GALNT13: variants seen among roughly 807,000 people sequenced by gnomAD.
GALNT13 encodes polypeptide N-acetylgalactosaminyltransferase 13.
A neutral mutation model predicts 64.2 loss-of-function variants in GALNT13; 28 were observed. The ratio of observed to expected loss-of-function variants is 0.44; its 90% CI spans 0.32 to 0.60. The LOEUF is 0.60. Among genes scored for constraint, GALNT13 ranks in the 20% least tolerant of loss-of-function variants. The pLI is 0.05. For synonymous variants in GALNT13, 214 were observed against 224.6 expected, an observed-to-expected ratio of 0.95 and a Z score of 0.42; for missense variants, 577 against 669.8, an observed-to-expected ratio of 0.86 and a Z score of 1.53.
the GALNT13 span, among the ~76,000 whole-genome samples, chr2:153,290,745 C>T: frequency 5.0e-4 from 76 of 152,180 alleles, no homozygotes; most frequent in African/African-American, 1.8e-3. Context: ...CATTTTGTAC[C>T]TTGCATGGAG....
At chr2:153,599,067 A>G in the GALNT13 span, among the ~76,000 whole-genome samples, 2 of 152,178 alleles carry the variant, frequency 1.3e-5, no homozygotes, top group Admixed American at 1.3e-4. Context: ...CTTAAAACTT[A>G]AAGGCAGCAA....
chr2:153,214,040 A>G, the GALNT13 span, among the ~76,000 whole-genome samples: 1 of 152,334 alleles, frequency 6.6e-6, no homozygotes, highest in African/African-American at 2.4e-5. Flanking sequence ...AGGCCACTAT[A>G]TCTTATTAGG....
At chr2:154,261,464 A>C (rs57963762) in intron 8 of GALNT13, among the ~76,000 whole-genome samples, 12,903 of 152,164 alleles carry the variant, frequency 0.085, 885 homozygotes, top group East Asian at 0.35. Flanking sequence ...TGAGGTAGAC[A>C]TTGATAAGGA....
At chr2:153,153,450 C>T in the GALNT13 span, among the ~76,000 whole-genome samples, 1 of 152,044 alleles carries the variant, frequency 6.6e-6, no homozygotes, top group Admixed American at 6.6e-5. Flanking sequence ...GCATCCTATT[C>T]GTGAAATCTT....
At chr2:153,600,127 G>A in the GALNT13 span, among the ~76,000 whole-genome samples, 1 of 151,962 alleles carries the variant, frequency 6.6e-6, no homozygotes. Flanking sequence ...AACCATAGAG[G>A]CCAGGGGGCA....
In GALNT13 at chr2:153,932,091, G is replaced by A. The variant is rs1033510645; in HGVS notation, c.-104-12303G>A. On this transcript the variant is annotated intron_variant, in intron 2 of 12. Transcript: ENST00000392825. ...TTTTCTAGTCTGTGTTAATAGAGGT[G>A]TTTATAATAGTCTGAGGTTTTTTGT... Among the ~76,000 whole-genome samples the A allele has an allele frequency of 3.9e-5, 6 of 152,182 alleles. 1 individual carries two copies. In the South Asian group the frequency reaches 1.2e-3, roughly 32 times the overall value.
chr2:153,302,248 G>A, the GALNT13 span, among the ~76,000 whole-genome samples: 1 of 152,074 alleles, frequency 6.6e-6, no homozygotes, highest in African/African-American at 2.4e-5. Context: ...CATTCTAACA[G>A]GTGTGAGGTT....
At chr2:154,440,125 T>C (rs1041123945) in intron 12 of GALNT13, among the ~76,000 whole-genome samples, 3 of 152,262 alleles carry the variant, frequency 2.0e-5, no homozygotes, top group East Asian at 1.9e-4. Flanking sequence ...TGTTTTTAAA[T>C]AAAACTTGTT....
chr2:154,289,734 G>C (rs1456951518), intron 8 of GALNT13, among the ~76,000 whole-genome samples: 3 of 152,214 alleles, frequency 2.0e-5, no homozygotes, highest in Non-Finnish European at 2.9e-5. Context: ...CTATTGCCTT[G>C]AGAGAGTTGG....
At chr2:153,243,032 T>C in the GALNT13 span, among the ~76,000 whole-genome samples, 2 of 152,206 alleles carry the variant, frequency 1.3e-5, no homozygotes, top group Non-Finnish European at 2.9e-5. Context: ...AAAATATACT[T>C]TAAGGGATGG....
At chr2:153,656,991 G>A in the GALNT13 span, among the ~76,000 whole-genome samples, 1 of 152,120 alleles carries the variant, frequency 6.6e-6, no homozygotes, top group African/African-American at 2.4e-5. Flanking sequence ...TAGATCTTCA[G>A]CTGGCTGAGG....
At chr2:153,661,813 A>G in the GALNT13 span, among the ~76,000 whole-genome samples, 1 of 152,144 alleles carries the variant, frequency 6.6e-6, no homozygotes, top group Admixed American at 6.6e-5. Context: ...TGGTGTGCAT[A>G]TTTTTAATAC....
At chr2:153,637,062 G>A in the GALNT13 span, among the ~76,000 whole-genome samples, 23 of 152,146 alleles carry the variant, frequency 1.5e-4, no homozygotes, top group African/African-American at 5.3e-4. Flanking sequence ...AAGGTGAAAT[G>A]TCCTTTTACA....
chr2:153,116,402 T>C, the GALNT13 span, among the ~76,000 whole-genome samples: 1 of 152,218 alleles, frequency 6.6e-6, no homozygotes, highest in Non-Finnish European at 1.5e-5. Flanking sequence ...TGAATATATA[T>C]TTACTTCAAA....
chr2:153,943,551 A>G lies in GALNT13; in HGVS notation c.-104-843A>G, dbSNP rs192923942. Among the ~76,000 whole-genome samples, 17 of 151,284 alleles carry G rather than the reference A, an allele frequency of 1.1e-4. No homozygotes were observed. The East Asian group carries it at 2.9e-3, about 26-fold the overall frequency. On this transcript the variant is annotated intron_variant, in intron 2 of 12. Coordinates refer to ENST00000392825, the MANE Select transcript of GALNT13 (RefSeq NM_052917.4). ...CTCTTGTCACCCAGACTGGAGTGCA[A>G]TTGTGTGATCTCAGCTTACTGCAAC... is the stretch of plus-strand genomic sequence containing the variant.
At chr2:154,124,103 G>A (rs1011565903) in intron 3 of GALNT13, among the ~76,000 whole-genome samples, 1 of 151,936 alleles carries the variant, frequency 6.6e-6, no homozygotes, top group Non-Finnish European at 1.5e-5. Context: ...ACAGATCTGG[G>A]TTTTATATTT....
intron 9 of GALNT13, among the ~76,000 whole-genome samples, chr2:154,345,514 T>G (rs1469188181): frequency 6.6e-6 from 1 of 152,044 alleles, no homozygotes; most frequent in African/African-American, 2.4e-5. Flanking sequence ...GTGCCTAGAT[T>G]GATTAAAGAA....
At chr2:153,987,365 T>G (rs2105177265) in intron 3 of GALNT13, among the ~76,000 whole-genome samples, 1 of 151,930 alleles carries the variant, frequency 6.6e-6, no homozygotes, top group South Asian at 2.1e-4. Flanking sequence ...TAGTCTGGGC[T>G]TAAGGGAGAG....
chr2:154,298,693 ACATTGT>A (rs2105980492), intron 8 of GALNT13, among the ~76,000 whole-genome samples: 1 of 114,724 alleles, frequency 8.7e-6, no homozygotes, highest in South Asian at 2.5e-4. Flanking sequence ...ATTTATATAT[ACATTGT>A]ATATACAATT....
Sources: allele counts gnomAD v4.1 joint callset (sites outside exome capture counted in the v4.1 genomes callset), GRCh38; gene constraint gnomAD v4.1.1; transcripts MANE v1.5; gene names NCBI Gene and HGNC (gene_info 2026-07-23, HGNC 2026-07-21).